Variants in BICC1 observed in about 807,000 individuals in gnomAD.
BICC1 encodes the protein protein bicaudal C homolog 1.
A neutral mutation model predicts 111.0 loss-of-function variants in BICC1; 43 were observed. That is an observed-to-expected ratio of 0.39 (90% CI 0.30 to 0.50). The LOEUF (loss-of-function observed/expected upper bound fraction) is 0.50, where lower values mean the gene tolerates loss of function less well. Among genes scored for constraint, BICC1 ranks in the 20% least tolerant of loss-of-function variants. BICC1 has a pLI of 0.88. For missense variants in BICC1, 1,091 were observed against 1,203.2 expected, an observed-to-expected ratio of 0.91 and a Z score of 1.38; for synonymous variants, 467 against 434.4, an observed-to-expected ratio of 1.07 and a Z score of -0.93.
intron 15 of BICC1, 115 bp from the exon 16 acceptor site, chr10:58,806,469 G>A: frequency 1.1e-6 from 1 of 870,416 alleles, no homozygotes; most frequent in Admixed American, 2.0e-5. Context: ...AAAGCTTGGT[G>A]TATGTCTCAG....
At chr10:58,800,858 G>T (rs1843523297) in intron 13 of BICC1, 32 bp from the exon 14 acceptor site, 1 of 1,563,608 alleles carries the variant, frequency 6.4e-7, no homozygotes, top group Non-Finnish European at 8.7e-7. Flanking sequence ...TGTTGTTTAG[G>T]TGTTTCACTT....
At chr10:58,690,200 TCGTGC>T (rs2132405721) in intron 2 of BICC1, among the ~76,000 whole-genome samples, 1 of 152,326 alleles carries the variant, frequency 6.6e-6, no homozygotes, top group African/African-American at 2.4e-5. Context: ...GCAGAGGCAG[TCGTGC>T]CCACCAAATA....
At chr10:58,710,132 C>G (rs995142468) in intron 3 of BICC1, among the ~76,000 whole-genome samples, 1 of 152,176 alleles carries the variant, frequency 6.6e-6, no homozygotes, top group Non-Finnish European at 1.5e-5. Flanking sequence ...TACCACCAAA[C>G]TCTATGAGTG....
At chr10:58,685,983 G>A (rs1446972069) in intron 2 of BICC1, among the ~76,000 whole-genome samples, 3 of 152,128 alleles carry the variant, frequency 2.0e-5, no homozygotes, top group East Asian at 1.9e-4. Flanking sequence ...AATTTGGCAC[G>A]TTTCTGCAGT....
At chr10:58,529,885 G>A (rs1322300076) in intron 1 of BICC1, among the ~76,000 whole-genome samples, 1 of 151,674 alleles carries the variant, frequency 6.6e-6, no homozygotes, top group African/African-American at 2.4e-5. Flanking sequence ...CTGGGCTTTA[G>A]CAACAAAACA....
Position 58,812,507 on chromosome 10 carries a change from C to G in BICC1, c.2377-1323C>G, listed in dbSNP as rs150391111. ...CTTTTTTTTTTTTTTGAGACAGAGT[C>G]TCACTCTGTTGCCCAGGCTGAAGTG... On this transcript the variant is annotated intron_variant, in intron 17 of 20. Transcript: ENST00000373886. Among the ~76,000 whole-genome samples, 806 of 148,974 alleles carry G rather than the reference C, an allele frequency of 5.4e-3. 10 individuals are homozygous for G. Among genetic ancestry groups the G allele is most frequent in the African/African-American group, 0.016 (665 of 40,370 alleles).
At chr10:58,825,991 TA>T (rs532550154) in intron 20 of BICC1, among the ~76,000 whole-genome samples, 5,163 of 144,624 alleles carry the variant, frequency 0.036, 190 homozygotes, top group African/African-American at 0.096. Context: ...AACTATTGTT[TA>T]AAAAAAAAAA....
chr10:58,730,980 A>G (rs1263219555), intron 3 of BICC1, among the ~76,000 whole-genome samples: 1 of 152,200 alleles, frequency 6.6e-6, no homozygotes, highest in East Asian at 1.9e-4. Context: ...ACACAGAAGC[A>G]GGCTGCAAAT....
intron 1 of BICC1, among the ~76,000 whole-genome samples, chr10:58,583,262 C>A (rs1438214622): frequency 6.6e-6 from 1 of 151,798 alleles, no homozygotes; most frequent in Non-Finnish European, 1.5e-5. Flanking sequence ...TTTTGGGGAA[C>A]CTTGGTGACA....
intron 20 of BICC1, among the ~76,000 whole-genome samples, chr10:58,823,008 A>C (rs1429721654): frequency 1.3e-5 from 2 of 152,002 alleles, no homozygotes; most frequent in Admixed American, 6.6e-5. Context: ...GCAGTAGATG[A>C]AATTTATCTC....
chr10:58,794,430 T>G (rs947109462), intron 9 of BICC1, among the ~76,000 whole-genome samples: 17 of 152,016 alleles, frequency 1.1e-4, no homozygotes, highest in Middle Eastern at 3.4e-3. Context: ...GTTTTTTTTT[T>G]TTTTCTGAGA....
At chr10:58,779,275 AC>A (rs1842824436) in intron 3 of BICC1, among the ~76,000 whole-genome samples, 1 of 151,982 alleles carries the variant, frequency 6.6e-6, no homozygotes, top group Non-Finnish European at 1.5e-5. Context: ...TTTGAAGTAG[AC>A]TCTCGTCTTT....
intron 3 of BICC1, among the ~76,000 whole-genome samples, chr10:58,747,450 G>A (rs776004475): frequency 2.0e-5 from 3 of 151,990 alleles, no homozygotes; most frequent in African/African-American, 7.2e-5. Flanking sequence ...TTTCTTAGGG[G>A]TTTATACATT....
intron 1 of BICC1, among the ~76,000 whole-genome samples, chr10:58,618,654 GAC>G: frequency 6.6e-6 from 1 of 152,304 alleles, no homozygotes; most frequent in African/African-American, 2.4e-5. Flanking sequence ...CACTTGGCGT[GAC>G]ACAGTGTCTG....
rs186950141 is a variant in BICC1 at position 58,579,131 on chromosome 10, C to T, written c.191-41724C>T. ...ACTGGTGGTCAGCCCCACTGAAGCCCCACTGGGACCTAAGGCCATGTCCCT... is the reference window on the plus strand; with the variant it reads ...ACTGGTGGTCAGCCCCACTGAAGCCTCACTGGGACCTAAGGCCATGTCCCT... On this transcript the variant is annotated intron_variant, in intron 1 of 20. Coordinates refer to ENST00000373886, the MANE Select transcript of BICC1 (RefSeq NM_001080512.3). 4.9e-4 allele frequency among the ~76,000 whole-genome samples: 75 copies of T among 152,242 alleles called. No homozygotes were observed. The East Asian group carries it at 0.013, about 27-fold the overall frequency.
At chr10:58,621,158 A>G (rs1845791785) in intron 2 of BICC1, among the ~76,000 whole-genome samples, 2 of 152,218 alleles carry the variant, frequency 1.3e-5, no homozygotes, top group South Asian at 4.1e-4. Context: ...AAGAGGGCTC[A>G]GAGGTGGATC....
chr10:58,702,261 G>A lies in BICC1; in HGVS notation c.307+118G>A. The stretch of plus-strand genomic sequence containing the variant: ...TTAACACTTTTGTCCCAAAATGTTT[G>A]TTAAGTAGCAGTCTTTCAGGAGGAT... On this transcript the variant is annotated intron_variant, in intron 3 of 20. Transcript: ENST00000373886. 3 of 668,054 alleles carry A rather than the reference G, an allele frequency of 4.5e-6. 1 individual carries two copies. The South Asian group carries it at 6.7e-5, about 15-fold the overall frequency. 41.4% of individuals were successfully genotyped at this position (668,054 alleles called of 1,614,324 possible).
chr10:58,746,531 G>A (rs1450858348), intron 3 of BICC1, among the ~76,000 whole-genome samples: 1 of 152,164 alleles, frequency 6.6e-6, no homozygotes, highest in African/African-American at 2.4e-5. Context: ...AAATGATTGA[G>A]GAGGTGAGTT....
intron 1 of BICC1, among the ~76,000 whole-genome samples, chr10:58,581,178 A>G (rs1015874534): frequency 2.0e-5 from 3 of 152,162 alleles, no homozygotes; most frequent in Non-Finnish European, 4.4e-5. Context: ...GTCTCAGATA[A>G]TTGTGCCTAC....
Sources: allele counts gnomAD v4.1 joint callset (sites outside exome capture counted in the v4.1 genomes callset), GRCh38; gene constraint gnomAD v4.1.1; transcripts MANE v1.5; gene names NCBI Gene and HGNC (gene_info 2026-07-23, HGNC 2026-07-21).